The following ZNF423 variants were observed in gnomAD, a reference collection of about 807,000 sequenced individuals.
ZNF423 encodes zinc finger protein 423.
In ZNF423, 12 loss-of-function variants were observed where a neutral mutation model predicts 95.8. The observed-to-expected ratio is 0.13, with a 90% CI of 0.08 to 0.20. The LOEUF is 0.20. Ranked by LOEUF, ZNF423 falls within the 10% of genes least tolerant of loss-of-function variation. The probability of loss-of-function intolerance (pLI) is 1.00; values close to 1 mark genes in which losing one functional copy is unlikely to be tolerated. For missense variants in ZNF423, 1,316 were observed against 1,737.1 expected (o/e 0.76, Z 4.31); for synonymous variants, 749 against 711.9 (o/e 1.05, Z -0.83).
In ZNF423 at chr16:49,625,221, C is replaced by T. The variant is rs1972217225; in HGVS notation, c.3601+949G>A. Reference sequence around the variant, plus strand: ...GTGAAAAATTAGCCAGGCGCAGTGGCAGGTGCCTGTAATCCCAGCTACTTG... The same window carrying T: ...GTGAAAAATTAGCCAGGCGCAGTGGTAGGTGCCTGTAATCCCAGCTACTTG... On this transcript the variant is annotated intron_variant, in intron 5 of 7. Transcript: ENST00000563137. 3.3e-5 allele frequency among the ~76,000 whole-genome samples: 5 copies of T among 152,282 alleles called. No individual in the cohort carries two copies. The South Asian group carries it at 1.0e-3, about 32-fold the overall frequency.
intron 3 of ZNF423, among the ~76,000 whole-genome samples, chr16:49,672,867 C>T (rs918482817): frequency 2.0e-4 from 31 of 152,102 alleles, no homozygotes; most frequent in African/African-American, 5.3e-4. Flanking sequence ...TAAAAGCCTC[C>T]GAAAAAAGAG....
chr16:49,529,652 C>T (rs933255321), intron 5 of ZNF423, among the ~76,000 whole-genome samples: 7 of 152,122 alleles, frequency 4.6e-5, no homozygotes, highest in Non-Finnish European at 8.8e-5. Context: ...TATTTCCATA[C>T]GGGTCTTGGG....
intron 3 of ZNF423, among the ~76,000 whole-genome samples, chr16:49,643,801 G>C (rs970131043): frequency 1.3e-5 from 2 of 152,214 alleles, no homozygotes; most frequent in Middle Eastern, 6.8e-3. Flanking sequence ...TGCAGGAAGA[G>C]AAAGAAAACA....
rs528549881 is a variant in ZNF423 at position 49,796,160 on chromosome 16, C to T, written c.41-6614G>A. ...AGTATAGAGCTCCCCCTAATGCTGT[C>T]GCCCCAACTCCACAGCAGGTGCATA... On this transcript the variant is annotated intron_variant, in intron 1 of 7. Coordinates refer to ENST00000563137, the MANE Select transcript of ZNF423 (RefSeq NM_001379286.1). Among the ~76,000 whole-genome samples, 7 of 152,216 alleles carry T rather than the reference C, an allele frequency of 4.6e-5. No individual in the cohort carries two copies. The South Asian group carries it at 6.2e-4, about 14-fold the overall frequency.
chr16:49,613,316 G>A (rs1187894495), intron 5 of ZNF423, among the ~76,000 whole-genome samples: 1 of 152,200 alleles, frequency 6.6e-6, no homozygotes, highest in Non-Finnish European at 1.5e-5. Flanking sequence ...ATTTGGCAGA[G>A]GGATAGGCAC....
intron 5 of ZNF423, among the ~76,000 whole-genome samples, chr16:49,553,667 T>C (rs1188138997): frequency 6.6e-6 from 1 of 151,468 alleles, no homozygotes; most frequent in Non-Finnish European, 1.5e-5. Context: ...TTTTTTTAGA[T>C]ATGGGGTCTC....
At chr16:49,751,236 G>A (rs1316057625) in intron 2 of ZNF423, among the ~76,000 whole-genome samples, 4 of 152,112 alleles carry the variant, frequency 2.6e-5, no homozygotes, top group African/African-American at 7.2e-5. Context: ...TGTTGTTGTT[G>A]TATGAGACAG....
At chr16:49,750,146 C>T (rs1424725621) in intron 2 of ZNF423, among the ~76,000 whole-genome samples, 1 of 152,198 alleles carries the variant, frequency 6.6e-6, no homozygotes, top group African/African-American at 2.4e-5. Context: ...TGAGTCACAT[C>T]GGGGCTGCTT....
At chr16:49,809,035 C>T (rs1005750931) in intron 1 of ZNF423, among the ~76,000 whole-genome samples, 3 of 152,272 alleles carry the variant, frequency 2.0e-5, no homozygotes, top group Non-Finnish European at 2.9e-5. Flanking sequence ...CCTGCCCCAA[C>T]CACATCTGTC....
At chr16:49,783,898 A>T (rs1378635148) in intron 2 of ZNF423, among the ~76,000 whole-genome samples, 2 of 149,510 alleles carry the variant, frequency 1.3e-5, no homozygotes, top group African/African-American at 2.5e-5. Context: ...TGAACCTGGG[A>T]GGTGGAGGTT....
chr16:49,855,613 C>T lies in ZNF423; in HGVS notation c.40+122G>A, dbSNP rs2035357310. Reference sequence around the variant, plus strand: ...GCCTCCGCCTCCTCTGCCGCCTCCTCCTCCTCCTCTCGGCTCGCTCGCGCG... The same window carrying T: ...GCCTCCGCCTCCTCTGCCGCCTCCTTCTCCTCCTCTCGGCTCGCTCGCGCG... On this transcript the variant is annotated intron_variant, in intron 1 of 7. Transcript: ENST00000563137. The surrounding 1 kb of genome is among the most constrained non-coding windows in gnomAD (Gnocchi z 4.7). 5.7e-6 allele frequency: 1 copy of T among 175,540 alleles called. No individual in the cohort carries two copies. The highest frequency in any genetic ancestry group is 1.2e-5 in the Non-Finnish European group (1 of 84,334). The allele number at this position is 175,540 out of a possible 1,614,324, so 10.9% of individuals were successfully genotyped here.
rs189416843 is a variant in ZNF423, at chr16:49,588,288, C to T, written c.3601+37882G>A. The stretch of plus-strand genomic sequence containing the variant: ...CCATGGGCATCCATGTGTTTGTACT[C>T]AGTGCATGAGATGAACATCTTCCTC... On this transcript the variant is annotated intron_variant, in intron 5 of 7. Coordinates refer to ENST00000563137, the MANE Select transcript of ZNF423 (RefSeq NM_001379286.1). 2.3e-3 allele frequency among the ~76,000 whole-genome samples: 350 copies of T among 152,320 alleles called. 1 individual carries two copies. The highest frequency in any genetic ancestry group is 7.9e-3 in the African/African-American group (330 of 41,576).
chr16:49,849,904 C>G (rs567342922), intron 1 of ZNF423, among the ~76,000 whole-genome samples: 26 of 152,332 alleles, frequency 1.7e-4, no homozygotes, highest in African/African-American at 4.8e-4. Flanking sequence ...GAGGCCGTCC[C>G]GCTGTCAGCG....
rs748550797 is a variant in ZNF423, at chr16:49,590,444, AAG to A, written c.3601+35724_3601+35725del. On this transcript the variant is annotated intron_variant, in intron 5 of 7. Coordinates refer to ENST00000563137, the MANE Select transcript of ZNF423 (RefSeq NM_001379286.1). Reference sequence around the variant, plus strand: ...TTCGGGGGGCAAGGGTCTTCTGGAAAAGAGAAAGCCACAGATACGGGCATTCT... The same window carrying A: ...TTCGGGGGGCAAGGGTCTTCTGGAAAAGAAAGCCACAGATACGGGCATTCT... 2.4e-4 allele frequency among the ~76,000 whole-genome samples: 36 copies of A among 152,144 alleles called. 1 individual carries two copies. The highest frequency in any genetic ancestry group is 1.7e-3 in the Admixed American group (26 of 15,282).
intron 3 of ZNF423, among the ~76,000 whole-genome samples, chr16:49,653,396 TAA>T (rs1196606149): frequency 6.6e-6 from 1 of 151,438 alleles, no homozygotes; most frequent in African/African-American, 2.4e-5. Context: ...ACAGCAAAAT[TAA>T]AAGTCTAATT....
At chr16:49,775,141 G>T (rs1395145050) in intron 2 of ZNF423, among the ~76,000 whole-genome samples, 1 of 152,182 alleles carries the variant, frequency 6.6e-6, no homozygotes, top group Non-Finnish European at 1.5e-5. Flanking sequence ...CATTTTTCCA[G>T]GGTCAATTGA....
intron 5 of ZNF423, among the ~76,000 whole-genome samples, chr16:49,568,192 A>C (rs144091723): frequency 2.6e-5 from 4 of 152,290 alleles, no homozygotes; most frequent in Non-Finnish European, 5.9e-5. Context: ...GGCCAATCAG[A>C]GCCAATTGTA....
intron 5 of ZNF423, among the ~76,000 whole-genome samples, chr16:49,558,936 C>T (rs1184796364): frequency 6.6e-6 from 1 of 152,362 alleles, no homozygotes; most frequent in East Asian, 1.9e-4. Flanking sequence ...GACATCAGAA[C>T]CACTCAGTAA....
At chr16:49,791,191 G>GT (rs2034407715) in intron 1 of ZNF423, among the ~76,000 whole-genome samples, 2 of 152,198 alleles carry the variant, frequency 1.3e-5, no homozygotes, top group African/African-American at 4.8e-5. Flanking sequence ...GCAGGATCAA[G>GT]ACAATGAAAT....
Sources: gnomAD v4.1 joint callset for allele counts (sites outside exome capture counted in the v4.1 genomes callset) on GRCh38, gnomAD v4.1.1 for gene constraint, Gnocchi (gnomAD v3.1) non-coding constraint, MANE v1.5 for transcripts, NCBI Gene and HGNC (gene_info 2026-07-23, HGNC 2026-07-21) for gene names.